Variants in ALG13 observed in about 807,000 individuals in gnomAD.
ALG13 encodes the protein ALG13 UDP-N-acetylglucosaminyltransferase subunit.
A neutral mutation model predicts 87.8 loss-of-function variants in ALG13; 11 were observed. That is an observed-to-expected ratio of 0.13 (90% CI 0.08 to 0.21). The LOEUF (loss-of-function observed/expected upper bound fraction) is 0.21. Among genes scored for constraint, ALG13 ranks in the 10% least tolerant of loss-of-function variants. The pLI, the probability that ALG13 is intolerant of heterozygous loss-of-function variation, is 1.00. For missense variants in ALG13, 756 were observed against 866.1 expected (o/e 0.87, Z 1.60); for synonymous variants, 320 against 306.3 (o/e 1.04, Z -0.47).
chrX:111,735,563 A>G (rs1437946861), intron 22 of ALG13, among the ~76,000 whole-genome samples: 1 of 111,541 alleles, frequency 9.0e-6, no homozygotes, highest in African/African-American at 3.3e-5. Flanking sequence ...GGATTATCAA[A>G]TTTTAGAAAA....
chrX:111,723,748 A>G (rs1941674088), intron 13 of ALG13, 50 bp from the exon 14 acceptor site: 1 of 802,988 alleles, frequency 1.2e-6, no homozygotes, highest in African/African-American at 2.1e-5. Flanking sequence ...TTTGTTTGGC[A>G]TTAGCTGTAT....
intron 3 of ALG13, among the ~76,000 whole-genome samples, chrX:111,702,341 A>G (rs1345235892): frequency 9.0e-6 from 1 of 111,245 alleles, no homozygotes; most frequent in Admixed American, 9.5e-5. Flanking sequence ...ATTTAGTTTT[A>G]TCAGTTCTGT....
intron 21 of ALG13, chrX:111,734,486 G>A (rs1196371692): frequency 8.9e-6 from 1 of 111,956 alleles, no homozygotes; most frequent in African/African-American, 3.3e-5. Context: ...TTCTTTCTGT[G>A]CTCTTACTAA....
At chrX:111,731,661 A>G (rs1308776390) in intron 21 of ALG13, among the ~76,000 whole-genome samples, 2 of 111,895 alleles carry the variant, frequency 1.8e-5, no homozygotes, top group African/African-American at 3.2e-5. Context: ...CTGGCTCGTG[A>G]TTTCTTTGGC....
intron 3 of ALG13, among the ~76,000 whole-genome samples, chrX:111,703,341 G>A (rs896988970): frequency 3.6e-5 from 4 of 110,614 alleles, no homozygotes; most frequent in African/African-American, 9.9e-5. Context: ...ACTATTCTGT[G>A]AGCTCCTCAA....
chrX:111,738,104 T>C (rs1199152708), intron 23 of ALG13, among the ~76,000 whole-genome samples: 1 of 112,578 alleles, frequency 8.9e-6, no homozygotes, highest in East Asian at 2.8e-4. Context: ...TGTGACAAAC[T>C]ATTTCAAAAT....
chrX:111,756,245 A>G (rs1319623491), intron 25 of ALG13, among the ~76,000 whole-genome samples: 1 of 111,166 alleles, frequency 9.0e-6, no homozygotes, highest in Non-Finnish European at 1.9e-5. Context: ...TGAACATCAC[A>G]CATTGGGGCC....
chrX:111,692,917 T>A (rs1450083700), intron 3 of ALG13, among the ~76,000 whole-genome samples: 1 of 109,827 alleles, frequency 9.1e-6, no homozygotes, highest in Non-Finnish European at 1.9e-5. Flanking sequence ...GCCTCTGGAG[T>A]AGCTGGAACC....
Position 111,730,390 on chromosome X carries a change from C to T in ALG13, c.2369-5C>T. The T allele has an allele frequency of 8.3e-7, 1 of 1,208,463 alleles. No individual in the cohort carries two copies. The highest frequency in any genetic ancestry group is 1.8e-5 in the South Asian group (1 of 56,575). ...CATTTCTTCTGTCTTGTCTTTTTTC[C>T]CCAGGGCGATATCATGAAGAATATC... On this transcript the variant is annotated splice_region_variant and splice_polypyrimidine_tract_variant and intron_variant, in intron 19 of 26. Transcript: ENST00000394780.
rs375062698 is a variant in ALG13 at position 111,759,824 on chromosome X, C to T, written c.3239C>T (p.Pro1080Leu). 8.3e-6 allele frequency: 10 copies of T among 1,208,886 alleles called. No homozygotes were observed. The highest frequency in any genetic ancestry group is 1.0e-5 in the Non-Finnish European group (9 of 894,883). Residue 1080 changes from proline to leucine, a missense_variant, in exon 27 of 27, where the codon CCA becomes CTA. Coordinates refer to ENST00000394780, the MANE Select transcript of ALG13 (RefSeq NM_001099922.3). ...MSDPYGQPPL[P>L]GFDSCLPVVP... Reference sequence around the variant, plus strand: ...GATCCCTATGGGCAGCCACCTTTGCCAGGTTTTGACTCCTGCCTTCCGGTT... The same window carrying T: ...GATCCCTATGGGCAGCCACCTTTGCTAGGTTTTGACTCCTGCCTTCCGGTT...
rs977731919 is a variant in ALG13, at chrX:111,730,280, G to A, written c.2369-115G>A. 3.6e-5 allele frequency: 22 copies of A among 609,668 alleles called. No individual in the cohort carries two copies. In the African/African-American group the frequency reaches 5.0e-4, roughly 14 times the overall value. 50.2% of individuals were successfully genotyped at this position (609,668 alleles called of 1,213,427 possible). Reference sequence around the variant, plus strand: ...CACTTTTCAGGATGTATGCATTTTAGTTTTGAACATATAACCATAAAACTG... The same window carrying A: ...CACTTTTCAGGATGTATGCATTTTAATTTTGAACATATAACCATAAAACTG... On this transcript the variant is annotated intron_variant, in intron 19 of 26. Coordinates refer to ENST00000394780, the MANE Select transcript of ALG13 (RefSeq NM_001099922.3).
At chrX:111,757,507 TTTG>T in intron 25 of ALG13, 78 bp from the exon 26 acceptor site, 1 of 724,106 alleles carries the variant, frequency 1.4e-6, no homozygotes, top group Non-Finnish European at 1.9e-6. Flanking sequence ...TTTTTTTTTT[TTTG>T]TCTGTGGGGA....
At chrX:111,713,605 C>T (rs774812573) in intron 8 of ALG13, among the ~76,000 whole-genome samples, 1 of 111,672 alleles carries the variant, frequency 9.0e-6, no homozygotes, top group Non-Finnish European at 1.9e-5. Flanking sequence ...GGTCCCAAAC[C>T]AGCTTCATTT....
Position 111,721,634 on chromosome X carries a change from C to G in ALG13, c.1358C>G (p.Pro453Arg). 1 of 1,199,030 alleles carries G rather than the reference C, an allele frequency of 8.3e-7. No individual in the cohort carries two copies. The highest frequency in any genetic ancestry group is 1.1e-6 in the Non-Finnish European group (1 of 886,547). Residue 453 changes from proline (P) to arginine (R), a missense_variant, in exon 12 of 27, where the codon CCC (proline) becomes CGC (arginine). Pro to Arg is a moderately radical substitution (Grantham distance 103, BLOSUM62 -2). Transcript: ENST00000394780. ...SPENPSKMPF[P>R]YKVLKALDPE... ...GAAAATCCATCAAAGATGCCCTTCC[C>G]CTATAAGGTGCTCAAAGCCCTGGAT...
At chrX:111,733,931 TTG>T (rs1181844763) in intron 21 of ALG13, among the ~76,000 whole-genome samples, 1 of 112,427 alleles carries the variant, frequency 8.9e-6, no homozygotes, top group Non-Finnish European at 1.9e-5. Flanking sequence ...TTTCTTATGT[TTG>T]TTGACCATTT....
At chrX:111,737,542 A>T (rs1943357568) in intron 23 of ALG13, among the ~76,000 whole-genome samples, 1 of 111,941 alleles carries the variant, frequency 8.9e-6, no homozygotes, top group Non-Finnish European at 1.9e-5. Context: ...AACCCATGAC[A>T]CCTACAAAAA....
chrX:111,750,316 A>G (rs777241144), intron 24 of ALG13, among the ~76,000 whole-genome samples: 6 of 111,893 alleles, frequency 5.4e-5, no homozygotes, highest in Admixed American at 9.5e-5. Context: ...ATAGAATCAT[A>G]CAATATGTGG....
chrX:111,750,505 T>C (rs1279309284), intron 24 of ALG13, among the ~76,000 whole-genome samples: 1 of 111,289 alleles, frequency 9.0e-6, no homozygotes, highest in African/African-American at 3.3e-5. Context: ...ATTTTTATTT[T>C]TTTTACAAAT....
Position 111,727,394 on chromosome X carries a change from G to T in ALG13, c.2039G>T (p.Gly680Val), listed in dbSNP as rs1942189043. The change falls in exon 17 of 27, where the codon GGC (glycine) becomes GTC (valine). Residue 680 changes from glycine to valine, a missense_variant. Coordinates refer to ENST00000394780, the MANE Select transcript of ALG13 (RefSeq NM_001099922.3). ...MPGPKVDFYP[G>V]PGKRCCQSYD... ...GGCCCTAAAGTTGATTTTTACCCAG[G>T]CCCAGGTAAAAGGTGCTGCCAGAGC... 1.7e-6 allele frequency: 2 copies of T among 1,209,792 alleles called. No individual in the cohort carries two copies. Among genetic ancestry groups the T allele is most frequent in the Non-Finnish European group, 2.2e-6 (2 of 894,631 alleles).
Sources: gnomAD v4.1 joint callset for allele counts (sites outside exome capture counted in the v4.1 genomes callset) on GRCh38, gnomAD v4.1.1 for gene constraint, MANE v1.5 for transcripts, NCBI Gene and HGNC (gene_info 2026-07-23, HGNC 2026-07-21) for gene names.